The following IFT80 variants were observed in gnomAD, a reference collection of about 807,000 sequenced individuals.
IFT80 encodes the protein intraflagellar transport protein 80 homolog.
Under a neutral mutation model 107.9 loss-of-function variants are expected in IFT80, and 79 were observed. The observed-to-expected ratio is 0.73, with a 90% CI of 0.61 to 0.88. The LOEUF (loss-of-function observed/expected upper bound fraction) is 0.88. Among genes scored for constraint, IFT80 ranks in the 40% least tolerant of loss-of-function variants. IFT80 has a pLI of 0.00. For missense variants in IFT80, 797 were observed against 914.2 expected (o/e 0.87, Z 1.65); for synonymous variants, 299 against 300.9 (o/e 0.99, Z 0.07).
intron 8 of IFT80, 44 bp from the exon 9 acceptor site, chr3:160,319,983 A>C: frequency 6.6e-7 from 1 of 1,511,626 alleles, no homozygotes; most frequent in Non-Finnish European, 9.1e-7. Flanking sequence ...ACTGAAAAAA[A>C]ATTTTTAGGA....
At chr3:160,346,839 C>T (rs147897827) in intron 8 of IFT80, among the ~76,000 whole-genome samples, 1 of 152,246 alleles carries the variant, frequency 6.6e-6, no homozygotes, top group African/African-American at 2.4e-5. Context: ...TTAGCTTTCA[C>T]TCCTTGTTTG....
At chr3:160,292,668 C>T (rs547263470) in intron 12 of IFT80, among the ~76,000 whole-genome samples, 4 of 151,840 alleles carry the variant, frequency 2.6e-5, no homozygotes, top group African/African-American at 7.3e-5. Context: ...TTAGTAGAGA[C>T]GGGGTTTCAC....
At chr3:160,305,521 A>G (rs1169723887) in intron 10 of IFT80, among the ~76,000 whole-genome samples, 2 of 152,184 alleles carry the variant, frequency 1.3e-5, no homozygotes, top group Admixed American at 1.3e-4. Flanking sequence ...AGGGTTGGTA[A>G]GAAAAGTAGT....
intron 18 of IFT80, 103 bp downstream of exon 18, chr3:160,277,203 A>T: frequency 1.0e-6 from 1 of 985,160 alleles, no homozygotes. Flanking sequence ...CTGTGGTGTT[A>T]AGAAACTAAA....
At chr3:160,343,880 C>A in intron 8 of IFT80, 1 of 226,268 alleles carries the variant, frequency 4.4e-6, no homozygotes, top group Non-Finnish European at 9.2e-6. Flanking sequence ...AAGTACCTGG[C>A]ATCTAACAGA....
intron 4 of IFT80, 50 bp from the exon 5 acceptor site, chr3:160,375,930 A>T (rs1203148457): frequency 1.1e-5 from 13 of 1,193,182 alleles, no homozygotes; most frequent in Non-Finnish European, 1.4e-5. Flanking sequence ...TAGAAAATAA[A>T]TTTAAACATT....
intron 6 of IFT80, among the ~76,000 whole-genome samples, chr3:160,360,204 C>G (rs546466963): frequency 6.6e-6 from 1 of 152,246 alleles, no homozygotes; most frequent in African/African-American, 2.4e-5. Flanking sequence ...AACTACTTGA[C>G]ACATGCACAA....
At chr3:160,305,329 G>A (rs1326433184) in intron 10 of IFT80, among the ~76,000 whole-genome samples, 1 of 152,086 alleles carries the variant, frequency 6.6e-6, no homozygotes, top group Non-Finnish European at 1.5e-5. Flanking sequence ...AATCATTTCA[G>A]TAAGTAAATA....
intron 12 of IFT80, among the ~76,000 whole-genome samples, chr3:160,289,104 T>C (rs1715330588): frequency 6.6e-6 from 1 of 152,210 alleles, no homozygotes; most frequent in Non-Finnish European, 1.5e-5. Context: ...GTTGTACATA[T>C]AGACTATGGA....
At chr3:160,363,359 A>G (rs1721635684) in intron 6 of IFT80, among the ~76,000 whole-genome samples, 1 of 152,294 alleles carries the variant, frequency 6.6e-6, no homozygotes, top group South Asian at 2.1e-4. Context: ...TCGACAAAAT[A>G]AAGGAGGACA....
intron 19 of IFT80, 97 bp from the exon 20 acceptor site, chr3:160,258,732 C>A: frequency 7.2e-7 from 1 of 1,397,246 alleles, no homozygotes; most frequent in Non-Finnish European, 9.8e-7. Context: ...GACTGTGTGA[C>A]TTCCAAAAGA....
At position 160,309,277 on chromosome 3, in the gene IFT80, G is replaced by A. The variant is rs566728230; in HGVS notation, c.958-1496C>T. ...TAGTAATAGCAAAAGACTGGAAATAGCCTAAATGTCTATTGATAAGGGACA... is the reference window on the plus strand; with the variant it reads ...TAGTAATAGCAAAAGACTGGAAATAACCTAAATGTCTATTGATAAGGGACA... On this transcript the variant is annotated intron_variant, in intron 9 of 19. Transcript: ENST00000326448. Among the ~76,000 whole-genome samples the A allele has an allele frequency of 1.2e-4, 18 of 152,286 alleles. No individual in the cohort carries two copies. In the South Asian group the frequency reaches 3.5e-3, roughly 30 times the overall value.
At chr3:160,350,496 G>C (rs1347636063) in intron 8 of IFT80, among the ~76,000 whole-genome samples, 4 of 150,866 alleles carry the variant, frequency 2.7e-5, no homozygotes, top group Non-Finnish European at 4.4e-5. Context: ...TTATATCTTA[G>C]TGAGTAGAAT....
intron 8 of IFT80, among the ~76,000 whole-genome samples, chr3:160,334,572 A>G (rs985565098): frequency 6.6e-6 from 1 of 152,134 alleles, no homozygotes; most frequent in African/African-American, 2.4e-5. Context: ...ACCTGCCAGC[A>G]TGCCCAGCTA....
At chr3:160,270,873 A>G (rs1713750241) in intron 18 of IFT80, among the ~76,000 whole-genome samples, 1 of 152,170 alleles carries the variant, frequency 6.6e-6, no homozygotes, top group African/African-American at 2.4e-5. Context: ...TCAGGGAAGG[A>G]GATCTTGATT....
At chr3:160,349,928 T>C (rs1720558099) in intron 8 of IFT80, among the ~76,000 whole-genome samples, 1 of 152,192 alleles carries the variant, frequency 6.6e-6, no homozygotes, top group East Asian at 1.9e-4. Context: ...GATGCCCTTC[T>C]TATCTTTCAT....
chr3:160,372,163 G>C (rs1349450341), intron 5 of IFT80, among the ~76,000 whole-genome samples: 1 of 152,178 alleles, frequency 6.6e-6, no homozygotes, highest in Non-Finnish European at 1.5e-5. Flanking sequence ...CAAGAAATAA[G>C]TATAATGAAC....
chr3:160,385,613 T>G (rs933023044), intron 1 of IFT80, among the ~76,000 whole-genome samples: 1 of 152,224 alleles, frequency 6.6e-6, no homozygotes, highest in Admixed American at 6.5e-5. Flanking sequence ...TTCAAAGCAC[T>G]CTTTTCACTT....
rs532253196 is a variant in IFT80 at position 160,381,692 on chromosome 3, T to C, written c.70A>G (p.Thr24Ala). The part of the protein sequence containing the change: ...QELVSCVGWT[T>A]AEELYSCSDD... ...CTACATGAATACAGCTCTTCAGCAGTAGTCCAGCCCACACAGCTTACTAAT... is the reference window on the plus strand; with the variant it reads ...CTACATGAATACAGCTCTTCAGCAGCAGTCCAGCCCACACAGCTTACTAAT... The change falls in exon 3 of 20, where the codon ACT becomes GCT. Residue 24 changes from threonine to alanine, a missense_variant. By Grantham distance (58) the Thr-to-Ala change is moderately conservative. Transcript: ENST00000326448. 1.2e-6 allele frequency: 2 copies of C among 1,612,088 alleles called. No homozygotes were observed. Among genetic ancestry groups the C allele is most frequent in the Non-Finnish European group, 1.7e-6 (2 of 1,179,894 alleles).
Sources: gnomAD v4.1 joint callset for allele counts (sites outside exome capture counted in the v4.1 genomes callset) on GRCh38, gnomAD v4.1.1 for gene constraint, MANE v1.5 for transcripts, NCBI Gene and HGNC (gene_info 2026-07-23, HGNC 2026-07-21) for gene names.